The following WDPCP variants were observed in gnomAD, a reference collection of about 807,000 sequenced individuals.
WDPCP encodes WD repeat-containing and planar cell polarity effector protein fritz homolog.
WDPCP carries 71 observed loss-of-function variants against 93.1 expected under a neutral mutation model. That is an observed-to-expected ratio of 0.76 (90% confidence interval 0.63 to 0.93). The LOEUF is 0.93. Among genes scored for constraint, WDPCP ranks in the 40% least tolerant of loss-of-function variants. The probability of loss-of-function intolerance (pLI) is 0.00; values close to 1 mark genes in which losing one functional copy is unlikely to be tolerated. For synonymous variants in WDPCP, 315 were observed against 315.0 expected, an observed-to-expected ratio of 1.00 and a Z score of 0.00; for missense variants, 844 against 887.4, an observed-to-expected ratio of 0.95 and a Z score of 0.62.
intron 2 of WDPCP, among the ~76,000 whole-genome samples, chr2:63,753,701 G>C (rs1267506784): frequency 6.6e-6 from 1 of 152,116 alleles, no homozygotes; most frequent in Admixed American, 6.6e-5. Flanking sequence ...CACCAAGGGG[G>C]ATGGTGTTAA....
chr2:63,550,866 T>C (rs2106356167), intron 1 of WDPCP, among the ~76,000 whole-genome samples: 1 of 152,068 alleles, frequency 6.6e-6, no homozygotes, highest in South Asian at 2.1e-4. Context: ...GAAATAAGAA[T>C]TCCTTATAAC....
At chr2:63,807,771 G>A (rs1670790744) in intron 2 of WDPCP, among the ~76,000 whole-genome samples, 1 of 152,108 alleles carries the variant, frequency 6.6e-6, no homozygotes, top group Non-Finnish European at 1.5e-5. Flanking sequence ...AACTTATTTT[G>A]AAGGAAGGAA....
chr2:63,743,587 G>A (rs1669755102), intron 2 of WDPCP, among the ~76,000 whole-genome samples: 1 of 152,040 alleles, frequency 6.6e-6, no homozygotes. Flanking sequence ...TAATTCATAT[G>A]AAAGTTAATC....
chr2:63,207,506 T>C (rs1321744414), intron 14 of WDPCP, among the ~76,000 whole-genome samples: 1 of 152,218 alleles, frequency 6.6e-6, no homozygotes, highest in East Asian at 1.9e-4. Context: ...TAGTTCTTTA[T>C]AGCAATGTGA....
chr2:63,260,767 C>A (rs999142602), intron 13 of WDPCP, among the ~76,000 whole-genome samples: 11 of 152,174 alleles, frequency 7.2e-5, no homozygotes, highest in African/African-American at 2.7e-4. Context: ...TCAGGCTAGT[C>A]TCAAACTCCT....
At chr2:63,238,807 T>G (rs1408295033) in intron 14 of WDPCP, among the ~76,000 whole-genome samples, 1 of 152,168 alleles carries the variant, frequency 6.6e-6, no homozygotes, top group African/African-American at 2.4e-5. Flanking sequence ...GGTGAAGACA[T>G]GGCCTTCATG....
chr2:63,722,280 T>C (rs1372548217), intron 2 of WDPCP, among the ~76,000 whole-genome samples: 4 of 142,708 alleles, frequency 2.8e-5, no homozygotes, highest in Non-Finnish European at 6.1e-5. Flanking sequence ...ACCTAGGAAG[T>C]GAGGAGCACC....
chr2:63,154,355 A>G (rs1672089424), intron 15 of WDPCP, among the ~76,000 whole-genome samples: 2 of 152,218 alleles, frequency 1.3e-5, no homozygotes, highest in South Asian at 2.1e-4. Flanking sequence ...TATCTTCTTC[A>G]TAACTATAGT....
At chr2:63,154,594 G>C (rs936972427) in intron 15 of WDPCP, among the ~76,000 whole-genome samples, 5 of 152,084 alleles carry the variant, frequency 3.3e-5, no homozygotes, top group Admixed American at 3.3e-4. Flanking sequence ...GAATAAAACT[G>C]CTACAAGCAT....
intron 2 of WDPCP, among the ~76,000 whole-genome samples, chr2:63,684,873 C>T (rs1036023612): frequency 6.6e-6 from 1 of 152,026 alleles, no homozygotes; most frequent in Non-Finnish European, 1.5e-5. Flanking sequence ...TCCTGAATAA[C>T]CAGTGAGTCA....
Position 63,234,024 on chromosome 2 carries a change from A to G in WDPCP, c.1915+25283T>C, listed in dbSNP as rs192341686. On this transcript the variant is annotated intron_variant, in intron 14 of 17. Transcript: ENST00000272321. ...CTATATGTAACAGTCTCTCAGCATC[A>G]TAATTTTTACTCATGGGTAAAATAG... 2.2e-4 allele frequency among the ~76,000 whole-genome samples: 34 copies of G among 152,336 alleles called. No individual in the cohort carries two copies. The East Asian group carries it at 4.8e-3, about 22-fold the overall frequency.
At chr2:63,717,645 C>A in intron 2 of WDPCP, 1 of 520,152 alleles carries the variant, frequency 1.9e-6, no homozygotes, top group South Asian at 1.4e-5. Flanking sequence ...GCTGACTGCT[C>A]AACTGCACAA....
intron 15 of WDPCP, chr2:63,168,669 C>G (rs530133427): frequency 6.6e-6 from 1 of 152,130 alleles, no homozygotes; most frequent in African/African-American, 2.4e-5. Flanking sequence ...GCAAAATGCC[C>G]ATTGGGTACC....
At chr2:63,373,805 C>CTATT (rs1047133339) in intron 12 of WDPCP, among the ~76,000 whole-genome samples, 2 of 152,038 alleles carry the variant, frequency 1.3e-5, no homozygotes, top group East Asian at 3.9e-4. Flanking sequence ...ATTATATACT[C>CTATT]TATTTCTTTC....
rs1378064321 is a variant in WDPCP at position 63,588,332 on chromosome 2, G to T, written c.-61C>A. On this transcript the variant is annotated 5_prime_UTR_variant, in exon 1 of 18. Coordinates refer to ENST00000272321, the MANE Select transcript of WDPCP (RefSeq NM_015910.7). ...TAGGTCCTCGGACCCGAGAGGGAGC[G>T]ACACGCTCGCTTGGTCTCTTGGGTC... The T allele has an allele frequency of 1.3e-6, 2 of 1,541,388 alleles. No homozygotes were observed. Among genetic ancestry groups the T allele is most frequent in the Admixed American group, 3.9e-5 (2 of 51,304 alleles).
intron 12 of WDPCP, among the ~76,000 whole-genome samples, chr2:63,344,392 G>A (rs1370114832): frequency 6.6e-6 from 1 of 152,108 alleles, no homozygotes; most frequent in Non-Finnish European, 1.5e-5. Flanking sequence ...GTTTAGCCAG[G>A]CTGCCTGACA....
At chr2:63,296,729 T>C (rs1017365306) in intron 13 of WDPCP, among the ~76,000 whole-genome samples, 2 of 152,132 alleles carry the variant, frequency 1.3e-5, no homozygotes, top group Admixed American at 1.3e-4. Context: ...GTAGTATATT[T>C]AACCAAGGAT....
At chr2:63,218,314 C>T (rs74262063) in intron 14 of WDPCP, among the ~76,000 whole-genome samples, 21,821 of 151,814 alleles carry the variant, frequency 0.14, 2,460 homozygotes, top group East Asian at 0.6. Context: ...AATATGATAG[C>T]GTTATCTTAT....
chr2:63,668,967 G>A (rs1162737491), intron 2 of WDPCP, among the ~76,000 whole-genome samples: 2 of 152,132 alleles, frequency 1.3e-5, no homozygotes, highest in Middle Eastern at 3.2e-3. Context: ...ACAGGATTTG[G>A]GAACTACTGC....
Sources: gnomAD v4.1 joint callset for allele counts (sites outside exome capture counted in the v4.1 genomes callset) on GRCh38, gnomAD v4.1.1 for gene constraint, MANE v1.5 for transcripts, NCBI Gene and HGNC (gene_info 2026-07-23, HGNC 2026-07-21) for gene names.